Variants in CAMK1D observed in about 807,000 individuals in gnomAD.
The protein encoded by CAMK1D is calcium/calmodulin-dependent protein kinase type 1D.
A neutral mutation model predicts 47.7 loss-of-function variants in CAMK1D; 9 were observed. That is an observed-to-expected ratio of 0.19 (90% CI 0.11 to 0.33). The LOEUF is 0.33. CAMK1D is among the 10% of genes least tolerant of loss of function. CAMK1D has a pLI of 1.00. For synonymous variants in CAMK1D, 184 were observed against 184.9 expected, an observed-to-expected ratio of 0.99 and a Z score of 0.04; for missense variants, 291 against 488.7, an observed-to-expected ratio of 0.60 and a Z score of 3.81.
intron 5 of CAMK1D, among the ~76,000 whole-genome samples, chr10:12,779,074 C>G (rs370544064): frequency 5.3e-5 from 8 of 152,094 alleles, no homozygotes; most frequent in African/African-American, 1.9e-4. Context: ...ACTCACTGAG[C>G]CTCGAGAGAG....
chr10:12,686,384 C>A (rs992055595), intron 3 of CAMK1D, among the ~76,000 whole-genome samples: 1 of 151,982 alleles, frequency 6.6e-6, no homozygotes, highest in South Asian at 2.1e-4. Flanking sequence ...TGCAATGGTG[C>A]GATCTCGGCT....
At chr10:12,757,415 A>G (rs1836279837) in intron 3 of CAMK1D, among the ~76,000 whole-genome samples, 1 of 152,192 alleles carries the variant, frequency 6.6e-6, no homozygotes, top group African/African-American at 2.4e-5. Flanking sequence ...GGAGCTTTCA[A>G]ACATGCACAC....
At chr10:12,749,141 C>T (rs1835811577) in intron 3 of CAMK1D, among the ~76,000 whole-genome samples, 3 of 152,210 alleles carry the variant, frequency 2.0e-5, no homozygotes, top group South Asian at 2.1e-4. Context: ...AAATTTGGGG[C>T]GTGATGCCTG....
intron 1 of CAMK1D, among the ~76,000 whole-genome samples, chr10:12,415,360 C>G (rs1412211324): frequency 6.6e-6 from 1 of 151,788 alleles, no homozygotes; most frequent in Non-Finnish European, 1.5e-5. Flanking sequence ...ACGATCTTGG[C>G]TCACTGCAAC....
intron 2 of CAMK1D, among the ~76,000 whole-genome samples, chr10:12,647,666 C>T (rs1839849566): frequency 6.6e-6 from 1 of 152,076 alleles, no homozygotes; most frequent in African/African-American, 2.4e-5. Flanking sequence ...AGAGGAACCC[C>T]TGCTTTAGGA....
At chr10:12,392,807 C>T (rs987550481) in intron 1 of CAMK1D, among the ~76,000 whole-genome samples, 1 of 152,038 alleles carries the variant, frequency 6.6e-6, no homozygotes, top group African/African-American at 2.4e-5. Flanking sequence ...ACCCCCTGAC[C>T]CCCAGGCCCA....
At chr10:12,810,810 C>T (rs1345800979) in intron 6 of CAMK1D, among the ~76,000 whole-genome samples, 1 of 152,210 alleles carries the variant, frequency 6.6e-6, no homozygotes, top group Non-Finnish European at 1.5e-5. Flanking sequence ...ACAGAATAGG[C>T]TCAAGCCCTG....
chr10:12,663,117 C>T lies in CAMK1D; in HGVS notation c.225-3619C>T, dbSNP rs145897389. Among the ~76,000 whole-genome samples, 364 of 151,758 alleles carry T rather than the reference C, an allele frequency of 2.4e-3. 1 individual carries two copies. In the Middle Eastern group the frequency reaches 0.035, roughly 15 times the overall value. On this transcript the variant is annotated intron_variant, in intron 2 of 10. Transcript: ENST00000619168. ...CTGGGATTACAGGCACATGCCGCCA[C>T]GCCCAGCTGATTTTTGTATTTTTAG...
intron 6 of CAMK1D, among the ~76,000 whole-genome samples, chr10:12,798,940 G>A (rs1838308345): frequency 6.6e-6 from 1 of 152,194 alleles, no homozygotes; most frequent in African/African-American, 2.4e-5. Context: ...GCAGGGCATA[G>A]ATGGTGAAAA....
At chr10:12,732,838 G>T (rs192619510) in intron 3 of CAMK1D, among the ~76,000 whole-genome samples, 48 of 152,158 alleles carry the variant, frequency 3.2e-4, no homozygotes, top group African/African-American at 1.1e-3. Context: ...CATGATTACA[G>T]TGCAGGCGAT....
intron 2 of CAMK1D, among the ~76,000 whole-genome samples, chr10:12,652,489 G>A (rs564491439): frequency 5.1e-4 from 78 of 151,526 alleles, no homozygotes; most frequent in Non-Finnish European, 9.7e-4. Context: ...TTGGGAGGCT[G>A]AGGCAGGGGA....
chr10:12,658,351 G>A lies in CAMK1D; in HGVS notation c.225-8385G>A, dbSNP rs574090540. On this transcript the variant is annotated intron_variant, in intron 2 of 10. Transcript: ENST00000619168. ...GAGGGCGGGGTGTGCGAGACCTGCCGGGGTTCAGTAAAATGTTGGTGTGGG... is the reference window on the plus strand; with the variant it reads ...GAGGGCGGGGTGTGCGAGACCTGCCAGGGTTCAGTAAAATGTTGGTGTGGG... Among the ~76,000 whole-genome samples the A allele has an allele frequency of 3.3e-5, 5 of 152,028 alleles. No homozygotes were observed. The South Asian group carries it at 8.3e-4, about 25-fold the overall frequency.
rs551614724 is a variant in CAMK1D at position 12,829,196 on chromosome 10, A to C, written c.*309A>C. Reference sequence around the variant, plus strand: ...TAACACCATCGTTTCCACTCTTCTCAGTGTAGGTAACCGTCTATGGTGTGT... The same window carrying C: ...TAACACCATCGTTTCCACTCTTCTCCGTGTAGGTAACCGTCTATGGTGTGT... On this transcript the variant is annotated 3_prime_UTR_variant, in exon 11 of 11. Transcript: ENST00000619168. 322 of 242,230 alleles carry C rather than the reference A, an allele frequency of 1.3e-3. 2 individuals carry two copies. The highest frequency in any genetic ancestry group is 5.0e-3 in the East Asian group (59 of 11,894). The allele number at this position is 242,230 out of a possible 1,614,324, so 15.0% of individuals were successfully genotyped here. A position where few individuals can be genotyped will look rare whatever the true frequency, so the allele number is the denominator to read the frequency against.
At chr10:12,639,113 A>G (rs938727653) in intron 2 of CAMK1D, among the ~76,000 whole-genome samples, 6 of 152,210 alleles carry the variant, frequency 3.9e-5, no homozygotes, top group Non-Finnish European at 5.9e-5. Context: ...GTGGGCAGTG[A>G]TGTACAGGAC....
chr10:12,753,430 T>C (rs1055407437), intron 3 of CAMK1D, among the ~76,000 whole-genome samples: 6 of 152,244 alleles, frequency 3.9e-5, no homozygotes, highest in Admixed American at 6.5e-5. Context: ...TCAGGAAATA[T>C]GTCATGCTAG....
intron 1 of CAMK1D, among the ~76,000 whole-genome samples, chr10:12,375,365 TTC>T (rs1838146078): frequency 6.6e-6 from 1 of 152,222 alleles, no homozygotes; most frequent in Admixed American, 6.5e-5. Context: ...TCCTCTGGAT[TTC>T]GTCTCTATAA....
At position 12,657,154 on chromosome 10, in the gene CAMK1D, C is replaced by T. The variant is rs1321088005; in HGVS notation, c.225-9582C>T. ...TTAAAAGCACCTTTCTGGCCAGGCACGGTGGCTCATGCCTGTAATCCCAGC... is the reference window on the plus strand; with the variant it reads ...TTAAAAGCACCTTTCTGGCCAGGCATGGTGGCTCATGCCTGTAATCCCAGC... On this transcript the variant is annotated intron_variant, in intron 2 of 10. Coordinates refer to ENST00000619168, the MANE Select transcript of CAMK1D (RefSeq NM_153498.4). 3.3e-5 allele frequency among the ~76,000 whole-genome samples: 5 copies of T among 152,246 alleles called. No individual in the cohort carries two copies. The South Asian group carries it at 8.3e-4, about 25-fold the overall frequency.
chr10:12,473,362 A>G (rs1204099774), intron 1 of CAMK1D, among the ~76,000 whole-genome samples: 1 of 152,014 alleles, frequency 6.6e-6, no homozygotes, highest in Non-Finnish European at 1.5e-5. Flanking sequence ...TGAACTTGGG[A>G]GGTGGAAGTT....
At chr10:12,747,742 C>G (rs753182553) in intron 3 of CAMK1D, among the ~76,000 whole-genome samples, 6 of 152,172 alleles carry the variant, frequency 3.9e-5, no homozygotes, top group Non-Finnish European at 7.4e-5. Flanking sequence ...GAGTTTCAGT[C>G]TGAAAGCCAG....
Sources: allele counts gnomAD v4.1 joint callset (sites outside exome capture counted in the v4.1 genomes callset), GRCh38; gene constraint gnomAD v4.1.1; transcripts MANE v1.5; gene names NCBI Gene and HGNC (gene_info 2026-07-23, HGNC 2026-07-21).